The following IFT140 variants were observed in gnomAD, a reference collection of about 807,000 sequenced individuals.
IFT140 encodes the protein intraflagellar transport protein 140 homolog.
Under a neutral mutation model 164.6 loss-of-function variants are expected in IFT140, and 133 were observed. The observed-to-expected ratio is 0.81, with a 90% CI of 0.70 to 0.93. IFT140 has a LOEUF of 0.93. Ranked by LOEUF, IFT140 falls within the 40% of genes least tolerant of loss-of-function variation. IFT140 has a pLI of 0.00. For missense variants in IFT140, 2,045 were observed against 1,972.3 expected (o/e 1.04, Z -0.70); for synonymous variants, 860 against 817.3 (o/e 1.05, Z -0.89).
At chr16:1,592,734 C>T in intron 4 of IFT140, 146 bp from the exon 5 acceptor site, 1 of 1,319,968 alleles carries the variant, frequency 7.6e-7, no homozygotes, top group Non-Finnish European at 1.0e-6. Context: ...GGCAGAGTGA[C>T]TGGTGGAGGG....
intron 6 of IFT140, among the ~76,000 whole-genome samples, chr16:1,591,587 C>A (rs1424261149): frequency 6.6e-6 from 1 of 152,182 alleles, no homozygotes; most frequent in East Asian, 1.9e-4. Context: ...TGTCACATGG[C>A]TGTAAGAGAT....
intron 15 of IFT140, among the ~76,000 whole-genome samples, chr16:1,566,728 C>T (rs2033738749): frequency 6.6e-6 from 1 of 152,118 alleles, no homozygotes; most frequent in East Asian, 1.9e-4. Flanking sequence ...CCCGTGTTCT[C>T]CCCCATGGCA....
At chr16:1,588,308 GA>G (rs2034999441) in intron 7 of IFT140, among the ~76,000 whole-genome samples, 2 of 152,110 alleles carry the variant, frequency 1.3e-5, no homozygotes. Context: ...GGCGGATCAT[GA>G]GGTCAGGAGA....
intron 12 of IFT140, 117 bp from the exon 13 acceptor site, chr16:1,580,967 A>G: frequency 1.4e-6 from 1 of 694,602 alleles, no homozygotes; most frequent in East Asian, 2.7e-5. Flanking sequence ...ACAGCTTCAT[A>G]GGGGTGCACT....
chr16:1,523,110 G>C (rs547090142), intron 26 of IFT140, among the ~76,000 whole-genome samples: 2 of 151,474 alleles, frequency 1.3e-5, no homozygotes, highest in African/African-American at 2.4e-5. Flanking sequence ...CTGTATTCCC[G>C]GCTACTCAGG....
rs547347011 is a variant in IFT140, at chr16:1,540,992, CCT to C, written c.2400-14198_2400-14197del. 87 of 985,382 alleles carry C rather than the reference CCT, an allele frequency of 8.8e-5. 2 individuals carry two copies. In the South Asian group the frequency reaches 3.1e-3, roughly 36 times the overall value. 61.0% of individuals were successfully genotyped at this position (985,382 alleles called of 1,614,324 possible). A position where few individuals can be genotyped will look rare whatever the true frequency, so the allele number is the denominator to read the frequency against. ...GCTTCACCACCACCTCATTTGGGCCCCTGTGTAAGGTTTTATTTGCGGGAGAA... is the reference window on the plus strand; with the variant it reads ...GCTTCACCACCACCTCATTTGGGCCCGTGTAAGGTTTTATTTGCGGGAGAA... On this transcript the variant is annotated intron_variant, in intron 19 of 30. Coordinates refer to ENST00000426508, the MANE Select transcript of IFT140 (RefSeq NM_014714.4).
At chr16:1,575,546 G>A (rs1021961860) in intron 13 of IFT140, among the ~76,000 whole-genome samples, 3 of 152,130 alleles carry the variant, frequency 2.0e-5, no homozygotes, top group Non-Finnish European at 4.4e-5. Context: ...GTGAGACCCT[G>A]TTTCTGAAAA....
intron 30 of IFT140, 94 bp from the exon 31 acceptor site, chr16:1,511,244 C>CACCCCCACCCGCCTCCA: frequency 3.2e-6 from 4 of 1,257,686 alleles, no homozygotes; most frequent in Non-Finnish European, 2.3e-6. Flanking sequence ...CCCCTGGAGG[C>CACCCCCACCCGCCTCCA]GGGTGGGGGT....
intron 19 of IFT140, chr16:1,555,198 CAT>C: frequency 1.2e-6 from 1 of 835,164 alleles, no homozygotes; most frequent in Non-Finnish European, 1.8e-6. Context: ...TTATGTCGGT[CAT>C]ATGTCTGTAC....
chr16:1,542,850 G>A lies in IFT140; in HGVS notation c.2399+15085C>T, dbSNP rs3784829. On this transcript the variant is annotated intron_variant, in intron 19 of 30. Coordinates refer to ENST00000426508, the MANE Select transcript of IFT140 (RefSeq NM_014714.4). ...TTGGTGCTCAGAGCCTCCTCTCAAC[G>A]CTCTAGACCCAGCAACCTGGGACAG... 1.8e-4 allele frequency among the ~76,000 whole-genome samples: 27 copies of A among 152,376 alleles called. No individual in the cohort carries two copies. The East Asian group carries it at 4.8e-3, about 27-fold the overall frequency.
chr16:1,530,784 G>A (rs2141215940), intron 19 of IFT140: 1 of 152,370 alleles, frequency 6.6e-6, no homozygotes, highest in East Asian at 1.9e-4. Context: ...TGGGGCCCAT[G>A]TGTGACCGAG....
At chr16:1,608,102 G>C (rs1596472046) in intron 2 of IFT140, among the ~76,000 whole-genome samples, 1 of 69,824 alleles carries the variant, frequency 1.4e-5, no homozygotes, top group Non-Finnish European at 2.8e-5. Context: ...TCCTCTATTA[G>C]AGAGTCAAGA....
At chr16:1,606,350 A>C (rs1180407269) in intron 3 of IFT140, among the ~76,000 whole-genome samples, 1 of 152,250 alleles carries the variant, frequency 6.6e-6, no homozygotes, top group African/African-American at 2.4e-5. Context: ...AAGGATTCCT[A>C]AACATGTCCC....
chr16:1,534,391 G>A lies in IFT140; in HGVS notation c.2400-7595C>T, dbSNP rs748346318. ...GTGTGCCAGACGCTGGAGGATGGGC[G>A]CAGGCGCAGCGTGGGGCTGTGGAGG... On this transcript the variant is annotated intron_variant, in intron 19 of 30. Transcript: ENST00000426508. 5.1e-5 allele frequency: 83 copies of A among 1,612,622 alleles called. No individual in the cohort carries two copies. Among genetic ancestry groups the A allele is most frequent in the Middle Eastern group, 3.3e-4 (2 of 6,078 alleles).
chr16:1,586,311 A>T (rs966138848), intron 9 of IFT140, 36 bp from the exon 10 acceptor site: 5 of 1,576,810 alleles, frequency 3.2e-6, no homozygotes, highest in Admixed American at 3.6e-5. Context: ...GAACAGAGTT[A>T]AAAAAAGGGA....
intron 11 of IFT140, among the ~76,000 whole-genome samples, chr16:1,583,879 G>C (rs1024414837): frequency 2.0e-5 from 3 of 152,024 alleles, no homozygotes; most frequent in Non-Finnish European, 2.9e-5. Context: ...CAGGTAGCTG[G>C]GATTACAGGC....
At chr16:1,539,769 T>C (rs2031449923) in intron 19 of IFT140, among the ~76,000 whole-genome samples, 1 of 152,164 alleles carries the variant, frequency 6.6e-6, no homozygotes, top group East Asian at 1.9e-4. Context: ...TGCCTGCCTG[T>C]CTGCGGGCAG....
At chr16:1,543,238 T>C (rs2031821898) in intron 19 of IFT140, among the ~76,000 whole-genome samples, 1 of 152,368 alleles carries the variant, frequency 6.6e-6, no homozygotes, top group East Asian at 1.9e-4. Context: ...CAGGTTGCCC[T>C]GCAGTTCCCA....
chr16:1,553,232 C>CT lies in IFT140; in HGVS notation c.2399+4702dup. ...TCTGTCTCTCTCTGTCTCCATCTGT[C>CT]TCTGTGTCTGTCTCTGTCTCTCTGT... On this transcript the variant is annotated intron_variant, in intron 19 of 30. Coordinates refer to ENST00000426508, the MANE Select transcript of IFT140 (RefSeq NM_014714.4). This position sits in a 1 kb window ranked among gnomAD's most constrained non-coding sequence, Gnocchi z 4.4. 1 of 978,762 alleles carries CT rather than the reference C, an allele frequency of 1.0e-6. No homozygotes were observed. The highest frequency in any genetic ancestry group is 1.2e-6 in the Non-Finnish European group (1 of 824,552). The allele number at this position is 978,762 out of a possible 1,614,324, so 60.6% of individuals were successfully genotyped here.
Sources: allele counts gnomAD v4.1 joint callset (sites outside exome capture counted in the v4.1 genomes callset), GRCh38; gene constraint gnomAD v4.1.1; non-coding constraint Gnocchi (gnomAD v3.1); transcripts MANE v1.5; gene names NCBI Gene and HGNC (gene_info 2026-07-23, HGNC 2026-07-21).